Variants in ANKRD26 observed in about 807,000 individuals in gnomAD.
The protein encoded by ANKRD26 is ankyrin repeat domain 26, also known as ankyrin repeat domain-containing protein 26.
Under a neutral mutation model 208.7 loss-of-function variants are expected in ANKRD26, and 141 were observed. The ratio of observed to expected loss-of-function variants is 0.68; its 90% CI spans 0.59 to 0.78. The LOEUF is 0.78. ANKRD26 is among the 30% of genes least tolerant of loss of function. The pLI, the probability that ANKRD26 is intolerant of heterozygous loss-of-function variation, is 0.00. For missense variants in ANKRD26, 1,889 were observed against 1,938.7 expected (o/e 0.97, Z 0.48); for synonymous variants, 636 against 660.4 (o/e 0.96, Z 0.57).
chr10:27,014,457 CTTAAT>C (rs753622791), intron 31 of ANKRD26, 32 bp downstream of exon 31: 42 of 1,424,968 alleles, frequency 2.9e-5, no homozygotes, highest in Non-Finnish European at 1.9e-5. Flanking sequence ...AATTAATGAG[CTTAAT>C]TTATTTCCTA....
At chr10:26,971,470 T>G (rs1449707928), downstream of ANKRD26, among the ~76,000 whole-genome samples, 2 of 150,292 alleles carry the variant, frequency 1.3e-5, no homozygotes, top group African/African-American at 2.4e-5. Context: ...AGGTCAGGAG[T>G]TCGAGACCAG....
chr10:27,017,057 C>A (rs566562484), intron 30 of ANKRD26, among the ~76,000 whole-genome samples: 1 of 152,078 alleles, frequency 6.6e-6, no homozygotes, highest in Non-Finnish European at 1.5e-5. Flanking sequence ...AGCCAGGCAT[C>A]GTGATGTGCA....
intron 9 of ANKRD26, among the ~76,000 whole-genome samples, 174 bp from the exon 10 acceptor site, chr10:27,067,460 T>C (rs762274163): frequency 2.0e-5 from 3 of 151,926 alleles, no homozygotes; most frequent in African/African-American, 4.8e-5. Flanking sequence ...GGGTAATTTA[T>C]GAAGAAAAGA....
chr10:27,092,429 T>C lies in ANKRD26; in HGVS notation c.615A>G (p.Val205=), dbSNP rs1296033902. The C allele has an allele frequency of 1.2e-6, 2 of 1,612,090 alleles. No individual in the cohort carries two copies. Among genetic ancestry groups the C allele is most frequent in the Non-Finnish European group, 1.7e-6 (2 of 1,178,792 alleles). The change falls in exon 4 of 34, where the codon GTA becomes GTG. Residue 205 remains valine (V), a synonymous_variant. Transcript: ENST00000376087. ...ACCTTTCCAACTTATCTACTGCATT[T>C]ACATTTGCTTTTTTCTTTATTAAAA... ...VEFLIKKKAN[V]NAVDKLESSH...
intron 12 of ANKRD26, 143 bp downstream of exon 12, chr10:27,063,845 C>G (rs542239686): frequency 1.6e-4 from 114 of 720,760 alleles, no homozygotes; most frequent in Non-Finnish European, 9.4e-5. Context: ...CTAAGATATA[C>G]AACTTATCAC....
chr10:27,073,839 G>C (rs1341145759), intron 9 of ANKRD26, among the ~76,000 whole-genome samples: 1 of 152,144 alleles, frequency 6.6e-6, no homozygotes, highest in Non-Finnish European at 1.5e-5. Flanking sequence ...CCTGCTCACA[G>C]ACCCAGTACA....
chr10:26,983,899 C>A (rs2052345626), intron 3 of ANKRD26, among the ~76,000 whole-genome samples: 1 of 152,132 alleles, frequency 6.6e-6, no homozygotes, highest in Non-Finnish European at 1.5e-5. Flanking sequence ...TATAGCTAGT[C>A]CTGACCTCAG....
intron 1 of ANKRD26, among the ~76,000 whole-genome samples, chr10:27,099,135 C>A (rs987659354): frequency 6.6e-6 from 1 of 152,122 alleles, no homozygotes; most frequent in Non-Finnish European, 1.5e-5. Context: ...AGATTACAGG[C>A]TCCCACCACC....
the ANKRD26 span, among the ~76,000 whole-genome samples, chr10:26,951,021 T>TTC: frequency 1.5e-4 from 10 of 65,476 alleles, no homozygotes; most frequent in African/African-American, 3.1e-4. Flanking sequence ...TTCTTTTTCT[T>TTC]TTTTTTTTTT....
chr10:26,979,948 C>CAT (rs1244986249), intron 5 of ANKRD26, among the ~76,000 whole-genome samples: 1 of 151,432 alleles, frequency 6.6e-6, no homozygotes. Flanking sequence ...TTTCCTTTAT[C>CAT]ATAGCACAGG....
At chr10:27,026,265 T>C (rs2053653986) in intron 27 of ANKRD26, among the ~76,000 whole-genome samples, 1 of 152,234 alleles carries the variant, frequency 6.6e-6, no homozygotes, top group East Asian at 1.9e-4. Flanking sequence ...CTCATTTCTA[T>C]GGGAATCTAC....
chr10:27,043,423 T>TA lies in ANKRD26; in HGVS notation c.2161+2dup, dbSNP rs769980329. 5 of 1,613,930 alleles carry TA rather than the reference T, an allele frequency of 3.1e-6. No homozygotes were observed. The Admixed American group carries it at 8.3e-5, about 27-fold the overall frequency. On this transcript the variant is annotated splice_region_variant and intron_variant, in intron 20 of 33. Coordinates refer to ENST00000376087, the MANE Select transcript of ANKRD26 (RefSeq NM_014915.3). ...AGGCCTTAAATTTATGCAATGGTCCTACCTTTACACTCCATTCCAAGTTGT... is the reference window on the plus strand; with the variant it reads ...AGGCCTTAAATTTATGCAATGGTCCTAACCTTTACACTCCATTCCAAGTTGT...
At chr10:27,053,036 T>C (rs1391099903) in intron 16 of ANKRD26, among the ~76,000 whole-genome samples, 1 of 152,150 alleles carries the variant, frequency 6.6e-6, no homozygotes. Context: ...ATAAGGAAGT[T>C]ATAAAAATGA....
intron 5 of ANKRD26, among the ~76,000 whole-genome samples, chr10:26,979,166 G>A (rs1370754634): frequency 6.6e-6 from 1 of 152,146 alleles, no homozygotes; most frequent in East Asian, 1.9e-4. Context: ...CTTGCAGTGA[G>A]CCGAGATCGC....
chr10:26,960,871 G>T, the ANKRD26 span, among the ~76,000 whole-genome samples: 1 of 152,150 alleles, frequency 6.6e-6, no homozygotes, highest in East Asian at 1.9e-4. Context: ...ACAACAGTGG[G>T]GGGTAGCCTC....
At chr10:27,086,675 C>A (rs2056126894) in intron 4 of ANKRD26, 66 bp from the exon 5 acceptor site, 13 of 1,489,026 alleles carry the variant, frequency 8.7e-6, no homozygotes, top group Middle Eastern at 2.4e-4. Context: ...CCAAATATCT[C>A]AAAATCTTGA....
At chr10:26,961,624 G>T in the ANKRD26 span, among the ~76,000 whole-genome samples, 1 of 152,162 alleles carries the variant, frequency 6.6e-6, no homozygotes, top group Non-Finnish European at 1.5e-5. Context: ...CAGGAGGATT[G>T]CTTGAGCCCA....
At chr10:26,981,533 T>G (rs2052308611) in intron 4 of ANKRD26, among the ~76,000 whole-genome samples, 1 of 152,194 alleles carries the variant, frequency 6.6e-6, no homozygotes, top group South Asian at 2.1e-4. Context: ...TTATGGCTTA[T>G]TTGGTTTTTG....
chr10:27,100,250 C>A lies in ANKRD26; in HGVS notation c.77G>T (p.Gly26Val). Residue 26 changes from glycine to valine, a missense_variant, in exon 1 of 34, where the codon GGC (glycine) becomes GTC (valine). Gly to Val is a moderately radical substitution (Grantham distance 109). Transcript: ENST00000376087. ...GGCGCCCTCCCCCGGCTCGCCCCCG[C>A]CTCCCGCGCTGCTCCTCTGCCGCCG... ...FARRQRSSAG[G>V]GGEPGEGAYS... The A allele has an allele frequency of 6.2e-7, 1 of 1,611,500 alleles. No individual in the cohort carries two copies. Among genetic ancestry groups the A allele is most frequent in the Non-Finnish European group, 8.5e-7 (1 of 1,179,504 alleles).
Sources: allele counts gnomAD v4.1 joint callset (sites outside exome capture counted in the v4.1 genomes callset), GRCh38; gene constraint gnomAD v4.1.1; transcripts MANE v1.5; gene names NCBI Gene and HGNC (gene_info 2026-07-23, HGNC 2026-07-21).